The following FNTA variants were observed in gnomAD, a reference collection of about 807,000 sequenced individuals.
The protein encoded by FNTA is farnesyltransferase, CAAX box, subunit alpha.
A neutral mutation model predicts 55.2 loss-of-function variants in FNTA; 27 were observed. The ratio of observed to expected loss-of-function variants is 0.49; its 90% CI spans 0.36 to 0.67. The LOEUF (loss-of-function observed/expected upper bound fraction) is 0.67, where lower values mean the gene tolerates loss of function less well. Among genes scored for constraint, FNTA ranks in the 30% least tolerant of loss-of-function variants. FNTA has a pLI of 0.00. For missense variants in FNTA, 422 were observed against 464.7 expected (o/e 0.91, Z 0.85); for synonymous variants, 176 against 170.7 (o/e 1.03, Z -0.24).
At chr8:43,080,028 T>G (rs1222446374) in intron 6 of FNTA, 11 of 152,230 alleles carry the variant, frequency 7.2e-5, no homozygotes, top group Admixed American at 7.2e-4. Flanking sequence ...AGGAGTCGCT[T>G]CTTATGGATG....
At chr8:43,078,287 A>G (rs1417510384) in intron 6 of FNTA, 1 of 151,700 alleles carries the variant, frequency 6.6e-6, no homozygotes, top group African/African-American at 2.4e-5. Context: ...TCCTATATAA[A>G]GCTGTACAGG....
chr8:43,084,251 A>C (rs1325892100), intron 7 of FNTA, among the ~76,000 whole-genome samples: 1 of 129,466 alleles, frequency 7.7e-6, no homozygotes, highest in Non-Finnish European at 1.6e-5. Flanking sequence ...ACAGGATCTC[A>C]CTCTGTTGCC....
chr8:43,076,146 C>T (rs1030205912), intron 5 of FNTA, among the ~76,000 whole-genome samples: 1 of 152,072 alleles, frequency 6.6e-6, no homozygotes, highest in African/African-American at 2.4e-5. Context: ...CGGGTTCAAG[C>T]GATTCTCTTG....
intron 7 of FNTA, among the ~76,000 whole-genome samples, chr8:43,083,549 C>T (rs1230973608): frequency 6.6e-6 from 1 of 152,186 alleles, no homozygotes; most frequent in African/African-American, 2.4e-5. Context: ...GGCAGCCAAC[C>T]TTTCTGTTTT....
chr8:43,082,125 T>G (rs1423239230), intron 6 of FNTA: 1 of 152,128 alleles, frequency 6.6e-6, no homozygotes, highest in African/African-American at 2.4e-5. Context: ...GAACCAAGAC[T>G]ACCAAGCTTT....
rs752628325 is a variant in FNTA at position 43,084,809 on chromosome 8, T to C, written c.945T>C (p.Leu315=). 14 of 1,613,794 alleles carry C rather than the reference T, an allele frequency of 8.7e-6. No homozygotes were observed. Among genetic ancestry groups the C allele is most frequent in the Non-Finnish European group, 1.7e-6 (2 of 1,179,834 alleles). ...SHSSPYLIAF[L]VDIYEDMLEN... ...GTTCCCCCTACCTAATTGCCTTTCT[T>C]GTGGATATCTATGAAGACATGCTAG... is the stretch of plus-strand genomic sequence containing the variant. The change falls in exon 8 of 9, where the codon CTT becomes CTC. Residue 315 remains leucine (L), a synonymous_variant. Transcript: ENST00000302279.
chr8:43,063,080 G>T (rs978414060), intron 2 of FNTA, among the ~76,000 whole-genome samples: 2 of 149,694 alleles, frequency 1.3e-5, no homozygotes, highest in Non-Finnish European at 3.0e-5. Context: ...ACCATACCTG[G>T]CAGTTCCTTT....
Position 43,077,236 on chromosome 8 carries a change from T to C in FNTA, c.654T>C (p.Asn218=). The change falls in exon 6 of 9, where the codon AAT becomes AAC. Residue 218 remains asparagine (N), a synonymous_variant. Transcript: ENST00000302279. ...TTTAGGAATTTAAACTTTGGGATAA[T>C]GAGCTGCAGTATGTGGACCAACTTC... ...WVIQEFKLWD[N]ELQYVDQLLK... 2 of 1,589,864 alleles carry C rather than the reference T, an allele frequency of 1.3e-6. No individual in the cohort carries two copies. The highest frequency in any genetic ancestry group is 1.7e-6 in the Non-Finnish European group (2 of 1,166,720).
chr8:43,083,332 ACT>A (rs1305426840), intron 7 of FNTA, 152 bp downstream of exon 7: 1 of 526,482 alleles, frequency 1.9e-6, no homozygotes, highest in Admixed American at 3.6e-5. Flanking sequence ...CATTATGGAA[ACT>A]CTCTGGGAGT....
In FNTA at chr8:43,084,803, C is replaced by G; in HGVS notation, c.939C>G (p.Ala313=). ...GTCATAGTTCCCCCTACCTAATTGCCTTTCTTGTGGATATCTATGAAGACA... is the reference window on the plus strand; with the variant it reads ...GTCATAGTTCCCCCTACCTAATTGCGTTTCTTGTGGATATCTATGAAGACA... ...QPSHSSPYLI[A]FLVDIYEDML... The change falls in exon 8 of 9, where the codon GCC becomes GCG. Residue 313 remains alanine (A), a synonymous_variant. Transcript: ENST00000302279. The G allele has an allele frequency of 6.2e-7, 1 of 1,613,786 alleles. No individual in the cohort carries two copies.
At chr8:43,078,054 TGAGTG>T (rs1810949365) in intron 6 of FNTA, 1 of 152,264 alleles carries the variant, frequency 6.6e-6, no homozygotes, top group South Asian at 2.1e-4. Context: ...GAACAACTGT[TGAGTG>T]GAGCTGATTT....
At chr8:43,059,254 G>T in intron 2 of FNTA, 77 bp downstream of exon 2, 3 of 929,276 alleles carry the variant, frequency 3.2e-6, no homozygotes, top group South Asian at 1.7e-5. Context: ...TATGTAGCAA[G>T]ATAGATGACA....
At chr8:43,061,971 G>A (rs563045283) in intron 2 of FNTA, among the ~76,000 whole-genome samples, 13 of 152,172 alleles carry the variant, frequency 8.5e-5, no homozygotes, top group African/African-American at 3.1e-4. Flanking sequence ...CGCCCACCTC[G>A]GCCTCCCAGA....
At chr8:43,059,971 AATATGTG>A (rs1810493966) in intron 2 of FNTA, among the ~76,000 whole-genome samples, 1 of 152,240 alleles carries the variant, frequency 6.6e-6, no homozygotes. Context: ...ATGAAAGCTT[AATATGTG>A]ATAAAAAGGA....
intron 8 of FNTA, 113 bp downstream of exon 8, chr8:43,084,994 C>T (rs1811098008): frequency 8.2e-7 from 1 of 1,221,100 alleles, no homozygotes; most frequent in Non-Finnish European, 1.2e-6. Context: ...CAGTGCAGGG[C>T]TATTTCTGGT....
At chr8:43,082,933 C>CT (rs1563331214) in intron 6 of FNTA, 185 bp from the exon 7 acceptor site, 21 of 369,670 alleles carry the variant, frequency 5.7e-5, no homozygotes, top group Non-Finnish European at 8.9e-5. Context: ...GTAGTCCCAG[C>CT]TACTCGGGAG....
At chr8:43,056,578 C>G (rs1174329446) in intron 1 of FNTA, 32 bp downstream of exon 1, 1 of 1,336,248 alleles carries the variant, frequency 7.5e-7, no homozygotes, top group South Asian at 1.9e-5. Context: ...CGGCTCGGGA[C>G]ACTCCCTGGA....
intron 6 of FNTA, chr8:43,077,651 T>TG (rs1206836269): frequency 2.8e-5 from 6 of 213,720 alleles, no homozygotes; most frequent in Non-Finnish European, 5.5e-5. Context: ...TAAATTTTGT[T>TG]GCATTTTAGA....
intron 2 of FNTA, chr8:43,063,328 G>A (rs1810580056): frequency 2.2e-6 from 1 of 455,842 alleles, no homozygotes; most frequent in South Asian, 1.5e-5. Flanking sequence ...TGATCTGCCT[G>A]CCTCAGTCTT....
Sources: gnomAD v4.1 joint callset for allele counts (sites outside exome capture counted in the v4.1 genomes callset) on GRCh38, gnomAD v4.1.1 for gene constraint, MANE v1.5 for transcripts, NCBI Gene and HGNC (gene_info 2026-07-23, HGNC 2026-07-21) for gene names.